MAGI2: variants seen among roughly 807,000 people sequenced by gnomAD.
MAGI2 encodes membrane-associated guanylate kinase, WW and PDZ domain-containing protein 2.
A neutral mutation model predicts 133.3 loss-of-function variants in MAGI2; 35 were observed. The ratio of observed to expected loss-of-function variants is 0.26; its 90% CI spans 0.20 to 0.35. MAGI2 has a LOEUF of 0.35. Among genes scored for constraint, MAGI2 ranks in the 10% least tolerant of loss-of-function variants. The probability of loss-of-function intolerance (pLI) is 1.00; values close to 1 mark genes in which losing one functional copy is unlikely to be tolerated. For synonymous variants in MAGI2, 729 were observed against 710.6 expected, an observed-to-expected ratio of 1.03 and a Z score of -0.41; for missense variants, 1,636 against 1,863.4, an observed-to-expected ratio of 0.88 and a Z score of 2.25.
Position 79,053,179 on chromosome 7 carries a change from T to C in MAGI2, c.302-45973A>G, listed in dbSNP as rs1812833150. The stretch of plus-strand genomic sequence containing the variant: ...TAGTAGAGATGGGGTTTCACCACAT[T>C]AGCTAGGATGGTCTCGATCTCCTGA... On this transcript the variant is annotated intron_variant, in intron 1 of 21. Coordinates refer to ENST00000354212, the MANE Select transcript of MAGI2 (RefSeq NM_012301.4). 2.0e-5 allele frequency among the ~76,000 whole-genome samples: 3 copies of C among 152,038 alleles called. No individual in the cohort carries two copies. In the South Asian group the frequency reaches 6.2e-4, roughly 32 times the overall value.
chr7:79,283,722 T>A (rs112209298), intron 1 of MAGI2, among the ~76,000 whole-genome samples: 5,401 of 152,192 alleles, frequency 0.035, 134 homozygotes, highest in African/African-American at 0.063. Flanking sequence ...AACTACCTAA[T>A]TTTGCACTTC....
intron 9 of MAGI2, among the ~76,000 whole-genome samples, chr7:78,305,383 C>A (rs1369569758): frequency 6.6e-6 from 1 of 152,172 alleles, no homozygotes; most frequent in Non-Finnish European, 1.5e-5. Flanking sequence ...CGTGAGACAG[C>A]GAGCGTGTCT....
At chr7:79,137,573 C>T (rs1002776880) in intron 1 of MAGI2, among the ~76,000 whole-genome samples, 1 of 151,620 alleles carries the variant, frequency 6.6e-6, no homozygotes, top group Non-Finnish European at 1.5e-5. Flanking sequence ...CTGCCTCAGC[C>T]TCCCGTGCAG....
chr7:78,693,337 A>T (rs323149), intron 2 of MAGI2, among the ~76,000 whole-genome samples: 106,629 of 151,878 alleles, frequency 0.7, 37,709 homozygotes, highest in East Asian at 0.89. Flanking sequence ...AACTTCTATT[A>T]TTTTCTCTAC....
intron 21 of MAGI2, among the ~76,000 whole-genome samples, chr7:78,023,884 AAC>A (rs376269068): frequency 2.0e-3 from 299 of 152,374 alleles, no homozygotes; most frequent in African/African-American, 6.4e-3. Flanking sequence ...ACAAATTAAA[AAC>A]ACAGTACAGC....
At chr7:79,007,275 C>A in intron 1 of MAGI2, 69 bp from the exon 2 acceptor site, 1 of 858,732 alleles carries the variant, frequency 1.2e-6, no homozygotes, top group Non-Finnish European at 1.9e-6. Context: ...TTGATTCTGT[C>A]ATCAATATAC....
chr7:78,372,314 C>G (rs1286474775), intron 6 of MAGI2, among the ~76,000 whole-genome samples: 5 of 152,108 alleles, frequency 3.3e-5, no homozygotes, highest in Admixed American at 2.6e-4. Flanking sequence ...TTATCTTTCA[C>G]TGTGAAAATT....
intron 9 of MAGI2, among the ~76,000 whole-genome samples, chr7:78,304,348 T>C (rs1267089050): frequency 1.3e-5 from 2 of 152,178 alleles, no homozygotes; most frequent in East Asian, 1.9e-4. Context: ...CTCCTACCTT[T>C]TCCTCTCCTG....
At chr7:79,395,375 T>C (rs1227355156) in intron 1 of MAGI2, among the ~76,000 whole-genome samples, 1 of 152,162 alleles carries the variant, frequency 6.6e-6, no homozygotes, top group East Asian at 1.9e-4. Context: ...CTGCAGAATG[T>C]TGGTTTTCAG....
At chr7:78,054,987 A>C (rs1311849750) in intron 21 of MAGI2, among the ~76,000 whole-genome samples, 1 of 151,208 alleles carries the variant, frequency 6.6e-6, no homozygotes, top group East Asian at 1.9e-4. Flanking sequence ...TCTTAACCTT[A>C]TTTCATTCAT....
intron 4 of MAGI2, among the ~76,000 whole-genome samples, chr7:78,505,692 C>A (rs1054273141): frequency 6.6e-5 from 10 of 152,206 alleles, no homozygotes; most frequent in Admixed American, 2.6e-4. Flanking sequence ...GATCCTTTCT[C>A]TCATGGAACT....
intron 21 of MAGI2, among the ~76,000 whole-genome samples, chr7:78,040,475 C>G (rs1372943675): frequency 4.6e-5 from 7 of 152,310 alleles, no homozygotes; most frequent in African/African-American, 1.7e-4. Context: ...AGGAAGGGGG[C>G]GCCCGATTCC....
At chr7:78,849,791 G>A (rs1399039106) in intron 2 of MAGI2, among the ~76,000 whole-genome samples, 1 of 151,976 alleles carries the variant, frequency 6.6e-6, no homozygotes, top group African/African-American at 2.4e-5. Context: ...ATTTTGGGGA[G>A]TGGTATATAG....
chr7:78,287,329 A>G (rs1055249455), intron 9 of MAGI2, among the ~76,000 whole-genome samples: 49 of 152,054 alleles, frequency 3.2e-4, no homozygotes, highest in Admixed American at 5.9e-4. Flanking sequence ...AGCTTGGGAA[A>G]TGAATAGCTA....
chr7:79,223,112 C>T (rs1049082125), intron 1 of MAGI2, among the ~76,000 whole-genome samples: 1 of 151,980 alleles, frequency 6.6e-6, no homozygotes, highest in Non-Finnish European at 1.5e-5. Flanking sequence ...GTCTCGATCT[C>T]CTGACCTCGT....
At chr7:79,349,411 T>C (rs926197690) in intron 1 of MAGI2, among the ~76,000 whole-genome samples, 5 of 152,002 alleles carry the variant, frequency 3.3e-5, no homozygotes, top group African/African-American at 1.2e-4. Context: ...TCTCACCTCT[T>C]ACTTAGAAAA....
intron 6 of MAGI2, among the ~76,000 whole-genome samples, chr7:78,472,226 A>G (rs1791283303): frequency 6.6e-6 from 1 of 152,106 alleles, no homozygotes; most frequent in Admixed American, 6.6e-5. Flanking sequence ...TATTTTTCCA[A>G]TCTGTATTAA....
chr7:78,296,558 G>T (rs534519011), intron 9 of MAGI2, among the ~76,000 whole-genome samples: 1 of 152,026 alleles, frequency 6.6e-6, no homozygotes, highest in South Asian at 2.1e-4. Context: ...AAGATGCTGG[G>T]GCTTCATTTA....
At chr7:78,205,258 A>G (rs1166947637) in intron 10 of MAGI2, among the ~76,000 whole-genome samples, 1 of 152,120 alleles carries the variant, frequency 6.6e-6, no homozygotes, top group Non-Finnish European at 1.5e-5. Flanking sequence ...CAGCCTCCTG[A>G]GTAGCTGGGA....
Sources: gnomAD v4.1 joint callset for allele counts (sites outside exome capture counted in the v4.1 genomes callset) on GRCh38, gnomAD v4.1.1 for gene constraint, MANE v1.5 for transcripts, NCBI Gene and HGNC (gene_info 2026-07-23, HGNC 2026-07-21) for gene names.